Variants in RCC1 observed in about 807,000 individuals in gnomAD.
The protein encoded by RCC1 is regulator of chromosome condensation.
RCC1 carries 11 observed loss-of-function variants against 44.4 expected under a neutral mutation model. The ratio of observed to expected loss-of-function variants is 0.25; its 90% confidence interval spans 0.16 to 0.41. The LOEUF (loss-of-function observed/expected upper bound fraction) is 0.41, where lower values mean the gene tolerates loss of function less well. Among genes scored for constraint, RCC1 ranks in the 10% least tolerant of loss-of-function variants. The pLI, the probability that RCC1 is intolerant of heterozygous loss-of-function variation, is 1.00. For synonymous variants in RCC1, 213 were observed against 216.5 expected (o/e 0.98, Z 0.14); for missense variants, 386 against 547.1 (o/e 0.71, Z 2.94).
intron 3 of RCC1, among the ~76,000 whole-genome samples, chr1:28,511,432 G>A (rs189756809): frequency 0.014 from 2,110 of 146,150 alleles, 24 homozygotes; most frequent in Admixed American, 0.027. Flanking sequence ...AGGGAGTCTC[G>A]CTCTGTCGCC....
intron 3 of RCC1, 66 bp downstream of exon 3, chr1:28,508,971 T>G (rs569825251): frequency 2.2e-6 from 1 of 459,388 alleles, no homozygotes; most frequent in Admixed American, 2.5e-5. Flanking sequence ...AGCAAAAGAT[T>G]GAGGTGCATT....
intron 4 of RCC1, among the ~76,000 whole-genome samples, chr1:28,523,014 G>A (rs1263739876): frequency 6.8e-6 from 1 of 147,558 alleles, no homozygotes; most frequent in African/African-American, 2.5e-5. Flanking sequence ...GAGGAAGGAG[G>A]CAGAAGAAAT....
At chr1:28,533,822 A>ATTTT (rs1333109644) in intron 7 of RCC1, among the ~76,000 whole-genome samples, 1 of 69,360 alleles carries the variant, frequency 1.4e-5, no homozygotes, top group Non-Finnish European at 3.1e-5. Context: ...TCAGAATTAT[A>ATTTT]TTTTTTTCTT....
rs188054716 is a variant in RCC1 at position 28,536,635 on chromosome 1, G to A, written c.938-112G>A. ...AGACACTGCAGATCTCCTTCTGATC[G>A]CTCTGGGAGCAGGGACACACTCCCA... On this transcript the variant is annotated intron_variant, in intron 11 of 12. Coordinates refer to ENST00000683442, the MANE Select transcript of RCC1 (RefSeq NM_001381865.2). This position sits in a 1 kb window ranked among gnomAD's most constrained non-coding sequence, Gnocchi z 4.9. The A allele has an allele frequency of 4.1e-5, 55 of 1,329,928 alleles. No individual in the cohort carries two copies. Among genetic ancestry groups the A allele is most frequent in the Admixed American group, 3.8e-4 (19 of 50,626 alleles). The allele number at this position is 1,329,928 out of a possible 1,614,324, so 82.4% of individuals were successfully genotyped here. A position where few individuals can be genotyped will look rare whatever the true frequency, so the allele number is the denominator to read the frequency against.
chr1:28,537,281 A>T lies in RCC1; in HGVS notation c.1090+382A>T, dbSNP rs1210975074. Among the ~76,000 whole-genome samples the T allele has an allele frequency of 4.6e-5, 7 of 152,066 alleles. 1 individual carries two copies. The South Asian group carries it at 1.2e-3, about 27-fold the overall frequency. ...TTCCAGGGACTTTTACTTAGAATCT[A>T]AATCAAGAAAAAAAAAGGCTTAGTA... On this transcript the variant is annotated intron_variant, in intron 12 of 12. Coordinates refer to ENST00000683442, the MANE Select transcript of RCC1 (RefSeq NM_001381865.2).
chr1:28,532,441 T>G, intron 7 of RCC1, 91 bp downstream of exon 7: 1 of 1,379,606 alleles, frequency 7.2e-7, no homozygotes, highest in African/African-American at 1.4e-5. Context: ...GCCCCCATGG[T>G]ACTTACTGGT....
intron 6 of RCC1, 30 bp from the exon 7 acceptor site, chr1:28,532,139 ACG>A (rs1433425101): frequency 6.2e-7 from 1 of 1,604,284 alleles, no homozygotes; most frequent in Admixed American, 1.7e-5. Flanking sequence ...GCGAGGCCAG[ACG>A]TTGCATTAAT....
intron 4 of RCC1, among the ~76,000 whole-genome samples, chr1:28,517,550 A>C (rs1662968975): frequency 6.6e-6 from 1 of 152,174 alleles, no homozygotes; most frequent in South Asian, 2.1e-4. Flanking sequence ...AACCTTGTTA[A>C]GACATGGGCA....
In RCC1 at chr1:28,528,333, G is replaced by A. The variant is rs536639399; in HGVS notation, c.-9-1525G>A. Among the ~76,000 whole-genome samples the A allele has an allele frequency of 2.6e-3, 401 of 152,284 alleles. 1 individual carries two copies. Among genetic ancestry groups the A allele is most frequent in the African/African-American group, 9.1e-3 (379 of 41,550 alleles). The stretch of plus-strand genomic sequence containing the variant: ...TAGCTGGGTGTGGTGGTGGGTGCCT[G>A]TAATCCCAGCTACTCGAGAGGCTGA... On this transcript the variant is annotated intron_variant, in intron 4 of 12. Transcript: ENST00000683442.
chr1:28,506,832 G>C (rs894523905), intron 1 of RCC1: 3 of 157,552 alleles, frequency 1.9e-5, no homozygotes, highest in African/African-American at 7.2e-5. Context: ...CTCCCGAGTA[G>C]CTGGGACTAC....
chr1:28,525,164 C>T lies in RCC1; in HGVS notation c.-9-4694C>T, dbSNP rs546087264. 5.9e-5 allele frequency among the ~76,000 whole-genome samples: 9 copies of T among 152,188 alleles called. No individual in the cohort carries two copies. The South Asian group carries it at 1.7e-3, about 28-fold the overall frequency. Reference sequence around the variant, plus strand: ...GGGCTGCATGCACTGGTTATCAGAACGGAACAGAACAGGACAGGGATTTTC... The same window carrying T: ...GGGCTGCATGCACTGGTTATCAGAATGGAACAGAACAGGACAGGGATTTTC... On this transcript the variant is annotated intron_variant, in intron 4 of 12. Transcript: ENST00000683442.
At chr1:28,524,997 T>C (rs939667726) in intron 4 of RCC1, among the ~76,000 whole-genome samples, 2 of 152,096 alleles carry the variant, frequency 1.3e-5, no homozygotes, top group African/African-American at 4.8e-5. Context: ...TTTATTCAGC[T>C]GGGAGCTTTG....
chr1:28,523,311 G>A (rs1283708230), intron 4 of RCC1, among the ~76,000 whole-genome samples: 8 of 152,042 alleles, frequency 5.3e-5, no homozygotes, highest in East Asian at 3.9e-4. Flanking sequence ...GAGCCACCGC[G>A]CCCGGCCAGA....
intron 7 of RCC1, among the ~76,000 whole-genome samples, chr1:28,534,713 T>C (rs372512640): frequency 1.3e-5 from 2 of 152,258 alleles, no homozygotes; most frequent in Admixed American, 6.5e-5. Flanking sequence ...GCTCAAGCGA[T>C]CTGCCCACCT....
intron 4 of RCC1, chr1:28,526,596 G>T: frequency 1.8e-6 from 1 of 546,882 alleles, no homozygotes; most frequent in Non-Finnish European, 3.4e-6. Flanking sequence ...ACACACAAAG[G>T]TGAAATCCAA....
At chr1:28,511,387 C>A (rs915967030) in intron 3 of RCC1, among the ~76,000 whole-genome samples, 20 of 149,148 alleles carry the variant, frequency 1.3e-4, no homozygotes, top group Middle Eastern at 3.4e-3. Flanking sequence ...ATACAGTATC[C>A]AATTTTTTGT....
intron 3 of RCC1, among the ~76,000 whole-genome samples, chr1:28,516,274 G>A (rs543927180): frequency 6.6e-6 from 1 of 152,128 alleles, no homozygotes; most frequent in African/African-American, 2.4e-5. Context: ...AGCACTTTGG[G>A]AGGATGAGGT....
At position 28,506,072 on chromosome 1, in the gene RCC1, C is replaced by G. The variant is rs987516413; in HGVS notation, c.-274C>G. Reference sequence around the variant, plus strand: ...TTTGGAGACAGATTCGCAGTGGTCGCTTCTTCTCCTTGGTAAGTGTGATCC... The same window carrying G: ...TTTGGAGACAGATTCGCAGTGGTCGGTTCTTCTCCTTGGTAAGTGTGATCC... On this transcript the variant is annotated 5_prime_UTR_variant, in exon 1 of 13. Coordinates refer to ENST00000683442, the MANE Select transcript of RCC1 (RefSeq NM_001381865.2). 1 of 456,036 alleles carries G rather than the reference C, an allele frequency of 2.2e-6. No homozygotes were observed. The allele number at this position is 456,036 out of a possible 1,614,324, so 28.2% of individuals were successfully genotyped here.
chr1:28,520,814 A>G (rs1194464152), intron 4 of RCC1, among the ~76,000 whole-genome samples: 1 of 152,206 alleles, frequency 6.6e-6, no homozygotes, highest in African/African-American at 2.4e-5. Flanking sequence ...TCGGTGGCTC[A>G]CGACTGTAAC....
Sources: allele counts gnomAD v4.1 joint callset (sites outside exome capture counted in the v4.1 genomes callset), GRCh38; gene constraint gnomAD v4.1.1; non-coding constraint Gnocchi (gnomAD v3.1); transcripts MANE v1.5; gene names NCBI Gene and HGNC (gene_info 2026-07-23, HGNC 2026-07-21).